COL5A2: variants seen among roughly 807,000 people sequenced by gnomAD.
The protein encoded by COL5A2 is collagen type V alpha 2 chain, also known as collagen alpha-2(V) chain.
Under a neutral mutation model 208.2 loss-of-function variants are expected in COL5A2, and 23 were observed. The observed-to-expected ratio is 0.11, with a 90% confidence interval of 0.08 to 0.16. The LOEUF (loss-of-function observed/expected upper bound fraction) is 0.16, where lower values mean the gene tolerates loss of function less well. Ranked by LOEUF, COL5A2 falls within the 10% of genes least tolerant of loss-of-function variation. The pLI, the probability that COL5A2 is intolerant of heterozygous loss-of-function variation, is 1.00. For synonymous variants in COL5A2, 625 were observed against 628.5 expected, an observed-to-expected ratio of 0.99 and a Z score of 0.08; for missense variants, 1,590 against 1,956.4, an observed-to-expected ratio of 0.81 and a Z score of 3.53.
the COL5A2 span, among the ~76,000 whole-genome samples, chr2:189,294,483 C>G: frequency 6.6e-6 from 1 of 151,956 alleles, no homozygotes. Context: ...ATTTCAGAGA[C>G]TTTATTATAT....
chr2:189,276,707 T>C, the COL5A2 span, among the ~76,000 whole-genome samples: 4 of 152,170 alleles, frequency 2.6e-5, no homozygotes, highest in Non-Finnish European at 5.9e-5. Flanking sequence ...TATTTCTATA[T>C]TGTTTCTGGA....
chr2:189,397,979 G>A, the COL5A2 span, among the ~76,000 whole-genome samples: 1 of 151,932 alleles, frequency 6.6e-6, no homozygotes, highest in Non-Finnish European at 1.5e-5. Flanking sequence ...ATTTTAATAT[G>A]TCATATTTTT....
chr2:189,314,868 A>G, the COL5A2 span, among the ~76,000 whole-genome samples: 5,612 of 152,272 alleles, frequency 0.037, 117 homozygotes, highest in Admixed American at 0.05. Flanking sequence ...ACACCCTCCT[A>G]CGACTGAACC....
At chr2:189,385,757 G>T in the COL5A2 span, among the ~76,000 whole-genome samples, 1 of 152,044 alleles carries the variant, frequency 6.6e-6, no homozygotes, top group South Asian at 2.1e-4. Context: ...AAAACAGCAT[G>T]GTACAGGTAC....
intron 1 of COL5A2, among the ~76,000 whole-genome samples, chr2:189,117,916 G>T (rs1687427031): frequency 6.6e-6 from 1 of 152,016 alleles, no homozygotes; most frequent in Admixed American, 6.6e-5. Flanking sequence ...CATAGTAAAT[G>T]CTCAAGAAGT....
chr2:189,272,354 C>A, the COL5A2 span, among the ~76,000 whole-genome samples: 1 of 152,068 alleles, frequency 6.6e-6, no homozygotes, highest in East Asian at 1.9e-4. Flanking sequence ...AGTTCATGTC[C>A]TTTGCAGGGC....
chr2:189,223,294 C>T (rs1270374926), intron 1 of COL5A2, among the ~76,000 whole-genome samples: 1 of 152,126 alleles, frequency 6.6e-6, no homozygotes, highest in East Asian at 1.9e-4. Context: ...TGCAACAAAG[C>T]CATACACTGA....
intron 18 of COL5A2, 122 bp downstream of exon 18, chr2:189,071,918 T>G: frequency 1.5e-6 from 1 of 679,620 alleles, no homozygotes; most frequent in South Asian, 1.8e-5. Context: ...GAGCATACTC[T>G]AGGCTCTTTC....
intron 1 of COL5A2, among the ~76,000 whole-genome samples, chr2:189,188,581 G>C (rs754143993): frequency 1.3e-5 from 2 of 152,310 alleles, no homozygotes; most frequent in East Asian, 3.9e-4. Context: ...ATGAGTCAAG[G>C]CTTCCCCTGA....
the COL5A2 span, among the ~76,000 whole-genome samples, chr2:189,246,924 A>G: frequency 1.3e-5 from 2 of 152,204 alleles, no homozygotes; most frequent in African/African-American, 2.4e-5. Flanking sequence ...AGACTGTGTA[A>G]TAACCTGAAA....
At chr2:189,400,748 T>A in the COL5A2 span, among the ~76,000 whole-genome samples, 1 of 152,198 alleles carries the variant, frequency 6.6e-6, no homozygotes, top group African/African-American at 2.4e-5. Flanking sequence ...AGCAGAAATA[T>A]TTCCTTTTGC....
chr2:189,229,356 G>A (rs1359625227), upstream of COL5A2, among the ~76,000 whole-genome samples: 2 of 151,288 alleles, frequency 1.3e-5, no homozygotes, highest in African/African-American at 4.8e-5. Context: ...TGGAAAGGAA[G>A]AAGGAAAATT....
the COL5A2 span, among the ~76,000 whole-genome samples, chr2:189,279,634 A>G: frequency 2.0e-5 from 3 of 152,054 alleles, no homozygotes; most frequent in Admixed American, 6.6e-5. Flanking sequence ...TTAAAGATGT[A>G]TTATTTTTAT....
the COL5A2 span, among the ~76,000 whole-genome samples, chr2:189,358,782 G>C: frequency 6.6e-6 from 1 of 151,864 alleles, no homozygotes; most frequent in African/African-American, 2.4e-5. Context: ...TTTGTATAAA[G>C]ATCTTTCACT....
chr2:189,042,631 A>G (rs1685584607), intron 49 of COL5A2, 89 bp downstream of exon 49: 22 of 1,281,438 alleles, frequency 1.7e-5, no homozygotes, highest in Non-Finnish European at 2.2e-5. Flanking sequence ...TCCAGCTTCA[A>G]TACCAGGAAA....
chr2:189,110,564 A>T, intron 1 of COL5A2, 115 bp from the exon 2 acceptor site: 1 of 840,380 alleles, frequency 1.2e-6, no homozygotes, highest in East Asian at 2.6e-5. Context: ...TAACCTTCCA[A>T]GGAGCCAAAC....
At chr2:189,307,501 T>G in the COL5A2 span, among the ~76,000 whole-genome samples, 17 of 152,302 alleles carry the variant, frequency 1.1e-4, no homozygotes, top group Non-Finnish European at 2.2e-4. Flanking sequence ...CATTTTTAAA[T>G]GTGTGTCAAT....
chr2:189,311,384 A>C, the COL5A2 span: 13 of 991,896 alleles, frequency 1.3e-5, no homozygotes, highest in African/African-American at 2.1e-4. Flanking sequence ...ACCAAGATTG[A>C]AGTCCTCACC....
chr2:189,056,885 T>C (rs893568216), intron 35 of COL5A2, 88 bp downstream of exon 35: 4 of 1,267,078 alleles, frequency 3.2e-6, no homozygotes, highest in East Asian at 2.3e-5. Flanking sequence ...GAAACATGAC[T>C]GACTTTATTT....
Sources: allele counts gnomAD v4.1 joint callset (sites outside exome capture counted in the v4.1 genomes callset), GRCh38; gene constraint gnomAD v4.1.1; transcripts MANE v1.5; gene names NCBI Gene and HGNC (gene_info 2026-07-23, HGNC 2026-07-21).